PCDHA9: variants seen among roughly 807,000 people sequenced by gnomAD.
PCDHA9 encodes the protein protocadherin alpha-9.
Under a neutral mutation model 62.0 loss-of-function variants are expected in PCDHA9, and 62 were observed. That is an observed-to-expected ratio of 1.00 (90% CI 0.81 to 1.23). PCDHA9 has a LOEUF of 1.23. PCDHA9 is among the 50% of genes most tolerant of loss of function. The probability of loss-of-function intolerance (pLI) is 0.00; values close to 1 mark genes in which losing one functional copy is unlikely to be tolerated. For synonymous variants in PCDHA9, 557 were observed against 567.6 expected (o/e 0.98, Z 0.27); for missense variants, 1,205 against 1,249.8 (o/e 0.96, Z 0.54).
intron 1 of PCDHA9, chr5:140,856,708 A>G: frequency 6.3e-7 from 1 of 1,596,690 alleles, no homozygotes; most frequent in South Asian, 1.1e-5. Context: ...GCAAACCTGA[A>G]TTTACCGGAT....
intron 1 of PCDHA9, chr5:140,868,717 A>G (rs1420363814): frequency 5.3e-6 from 1 of 189,344 alleles, no homozygotes; most frequent in African/African-American, 2.4e-5. Context: ...AATAATTTAA[A>G]TTTGATGTTA....
chr5:140,906,252 C>T (rs1376694912), intron 1 of PCDHA9, among the ~76,000 whole-genome samples: 1 of 152,180 alleles, frequency 6.6e-6, no homozygotes, highest in Admixed American at 6.5e-5. Flanking sequence ...AACCCATACA[C>T]ACCTCCTGAA....
intron 1 of PCDHA9, chr5:140,866,368 T>C (rs1172516799): frequency 6.6e-6 from 1 of 152,138 alleles, no homozygotes; most frequent in Non-Finnish European, 1.5e-5. Flanking sequence ...TATTGCATAC[T>C]TCAATAACAA....
At chr5:140,966,198 T>C in intron 1 of PCDHA9, 1 of 214,428 alleles carries the variant, frequency 4.7e-6, no homozygotes, top group Non-Finnish European at 9.1e-6. Context: ...TTCTAGGGGC[T>C]TGACTGCTTT....
chr5:140,929,070 G>A lies in PCDHA9; in HGVS notation c.2395-49879G>A, dbSNP rs2085795989. 2.5e-6 allele frequency: 4 copies of A among 1,614,200 alleles called. No homozygotes were observed. The African/African-American group carries it at 5.3e-5, about 22-fold the overall frequency. ...GCTGTCGCTCTACAGAGGATCTGAG[G>A]TATGGAAGTAAGATGGTTTCAAATC... On this transcript the variant is annotated intron_variant, in intron 1 of 3. Coordinates refer to ENST00000532602, the MANE Select transcript of PCDHA9 (RefSeq NM_031857.2).
At chr5:140,871,197 C>T (rs1554165260) in intron 1 of PCDHA9, 1 of 1,613,664 alleles carries the variant, frequency 6.2e-7, no homozygotes, top group Admixed American at 1.7e-5. Flanking sequence ...TCAACGTGTA[C>T]CTGATCATCG....
intron 1 of PCDHA9, among the ~76,000 whole-genome samples, chr5:140,951,791 A>T (rs375226786): frequency 1.3e-5 from 2 of 152,228 alleles, no homozygotes; most frequent in Non-Finnish European, 2.9e-5. Context: ...AAATACAATT[A>T]TCCCTTCCCA....
intron 1 of PCDHA9, among the ~76,000 whole-genome samples, chr5:140,931,665 T>C (rs2087667345): frequency 6.6e-6 from 1 of 151,998 alleles, no homozygotes. Flanking sequence ...GGCTGGATAT[T>C]TCCTTATAAA....
At chr5:140,905,611 T>C (rs1396340503) in intron 1 of PCDHA9, among the ~76,000 whole-genome samples, 1 of 152,224 alleles carries the variant, frequency 6.6e-6, no homozygotes, top group South Asian at 2.1e-4. Flanking sequence ...ATTGAATCTA[T>C]AGATTGCTTT....
At chr5:140,928,240 C>G (rs1174659124) in intron 1 of PCDHA9, 1 of 1,614,108 alleles carries the variant, frequency 6.2e-7, no homozygotes, top group Non-Finnish European at 8.5e-7. Flanking sequence ...TCAACCCCAG[C>G]AGGAACTTTT....
At chr5:140,906,063 A>T (rs572488248) in intron 1 of PCDHA9, among the ~76,000 whole-genome samples, 1 of 152,318 alleles carries the variant, frequency 6.6e-6, no homozygotes, top group South Asian at 2.1e-4. Flanking sequence ...CTGGCAGCTG[A>T]TTAGATCGCA....
chr5:140,928,012 A>G (rs2084863036), intron 1 of PCDHA9: 2 of 1,614,190 alleles, frequency 1.2e-6, no homozygotes, highest in African/African-American at 2.7e-5. Context: ...TTCTAATGGT[A>G]GGGTCATTTG....
chr5:140,922,953 G>A (rs2081086867), intron 1 of PCDHA9, among the ~76,000 whole-genome samples: 1 of 152,168 alleles, frequency 6.6e-6, no homozygotes, highest in Non-Finnish European at 1.5e-5. Context: ...AATCCAGTTT[G>A]TCTTCAGCCA....
In PCDHA9 at chr5:140,989,027, CATT is replaced by C. The variant is rs1413017003; in HGVS notation, c.2542+6465_2542+6467del. The C allele has an allele frequency of 1.4e-4, 22 of 152,178 alleles. 1 individual carries two copies. The highest frequency in any genetic ancestry group is 1.4e-3 in the Admixed American group (22 of 15,274). The allele number at this position is 152,178 out of a possible 1,614,324, so 9.4% of individuals were successfully genotyped here. A position where few individuals can be genotyped will look rare whatever the true frequency, so the allele number is the denominator to read the frequency against. ...GACTTATTATAGTTTCTTCAGTTAT[CATT>C]GATTCCTTTAATATGCCAGCTACAT... On this transcript the variant is annotated intron_variant, in intron 3 of 3. Transcript: ENST00000532602.
intron 1 of PCDHA9, among the ~76,000 whole-genome samples, chr5:140,886,827 G>GA (rs782016620): frequency 0.032 from 1,958 of 60,672 alleles, 33 homozygotes; most frequent in African/African-American, 0.049. Context: ...ACTTCGTCTT[G>GA]AAAAAAAAAA....
rs57893927 is a variant in PCDHA9 at position 140,946,631 on chromosome 5, T to TATATAC, written c.2395-32317_2395-32316insTATACA. Among the ~76,000 whole-genome samples, 104 of 131,796 alleles carry TATATAC rather than the reference T, an allele frequency of 7.9e-4. 5 individuals are homozygous for TATATAC. Among genetic ancestry groups the TATATAC allele is most frequent in the Admixed American group, 1.7e-3 (23 of 13,490 alleles). The allele number at this position is 131,796 out of a possible 152,430, so 86.5% of individuals were successfully genotyped here. Reference sequence around the variant, plus strand: ...TGTGAAATATATATATATATATATATACAATGGAATACTCATCAGCCATTA... The same window carrying TATATAC: ...TGTGAAATATATATATATATATATATATATACACAATGGAATACTCATCAGCCATTA... On this transcript the variant is annotated intron_variant, in intron 1 of 3. Transcript: ENST00000532602.
At chr5:140,863,386 T>A in intron 1 of PCDHA9, 1 of 1,032,574 alleles carries the variant, frequency 9.7e-7, no homozygotes, top group Non-Finnish European at 1.4e-6. Context: ...CGAGAGCTCG[T>A]GCATGCCGGG....
chr5:140,951,176 A>G (rs1392502599), intron 1 of PCDHA9, among the ~76,000 whole-genome samples: 1 of 151,676 alleles, frequency 6.6e-6, no homozygotes, highest in Non-Finnish European at 1.5e-5. Context: ...CTTTAAAGTC[A>G]TTGTCCGCTA....
intron 1 of PCDHA9, among the ~76,000 whole-genome samples, chr5:140,900,279 C>A (rs2067883641): frequency 6.6e-6 from 1 of 151,672 alleles, no homozygotes. Flanking sequence ...ATGTACCACA[C>A]TTTCTTTTCT....
Sources: gnomAD v4.1 joint callset for allele counts (sites outside exome capture counted in the v4.1 genomes callset) on GRCh38, gnomAD v4.1.1 for gene constraint, MANE v1.5 for transcripts, NCBI Gene and HGNC (gene_info 2026-07-23, HGNC 2026-07-21) for gene names.